The following XRCC3 variants were observed in gnomAD, a reference collection of about 807,000 sequenced individuals.
XRCC3 encodes X-ray repair cross complementing 3.
Under a neutral mutation model 29.2 loss-of-function variants are expected in XRCC3, and 34 were observed. The observed-to-expected ratio is 1.16, with a 90% CI of 0.88 to 1.55. XRCC3 has a LOEUF of 1.55. Ranked by LOEUF, XRCC3 falls within the 40% of genes most tolerant of loss-of-function variation. The pLI, the probability that XRCC3 is intolerant of heterozygous loss-of-function variation, is 0.00. For synonymous variants in XRCC3, 223 were observed against 211.3 expected (o/e 1.06, Z -0.48); for missense variants, 463 against 467.6 (o/e 0.99, Z 0.09).
chr14:103,699,226 C>T lies in XRCC3; in HGVS notation c.775-47G>A, dbSNP rs771788141. 38 of 1,543,778 alleles carry T rather than the reference C, an allele frequency of 2.5e-5. No individual in the cohort carries two copies. The East Asian group carries it at 5.3e-4, about 22-fold the overall frequency. On this transcript the variant is annotated intron_variant, in intron 8 of 9. Transcript: ENST00000555055. ...CAGCTGCAACGGCTGAGGGTCTTCT[C>T]GATGGTTAGGCACAGGCTGCTACCC...
At chr14:103,711,379 C>T (rs2083622242) in intron 3 of XRCC3, 87 bp downstream of exon 3, 1 of 620,796 alleles carries the variant, frequency 1.6e-6, no homozygotes, top group African/African-American at 1.8e-5. Flanking sequence ...TTGAAAAACC[C>T]CCCAAACCCA....
chr14:103,711,605 G>A, intron 2 of XRCC3, 38 bp from the exon 3 acceptor site: 2 of 456,438 alleles, frequency 4.4e-6, no homozygotes, highest in South Asian at 3.1e-5. Context: ...GATTGGCAGG[G>A]TGCTCAGGGA....
At position 103,711,426 on chromosome 14, in the gene XRCC3, A is replaced by T. The variant is rs1034298334; in HGVS notation, c.-159+40T>A. 1.1e-5 allele frequency: 6 copies of T among 536,780 alleles called. No homozygotes were observed. The Admixed American group carries it at 1.3e-4, about 12-fold the overall frequency. 33.3% of individuals were successfully genotyped at this position (536,780 alleles called of 1,614,324 possible). A position where few individuals can be genotyped will look rare whatever the true frequency, so the allele number is the denominator to read the frequency against. ...TCCTGTGGAAAGTGCTAGAAATAAGACCATCCTCCTGCAGCAGTTGAGTGC... is the reference window on the plus strand; with the variant it reads ...TCCTGTGGAAAGTGCTAGAAATAAGTCCATCCTCCTGCAGCAGTTGAGTGC... On this transcript the variant is annotated intron_variant, in intron 3 of 9. Coordinates refer to ENST00000555055, the MANE Select transcript of XRCC3 (RefSeq NM_005432.4).
chr14:103,702,378 G>A (rs861533), intron 7 of XRCC3: 152,246 of 152,456 alleles, frequency 1, 76,018 homozygotes, highest in Middle Eastern at 1. Flanking sequence ...TTCCCCTCAG[G>A]GGCAAGGGGA....
In XRCC3 at chr14:103,699,536, A is replaced by C; in HGVS notation, c.602T>G (p.Leu201Arg). Residue 201 changes from leucine to arginine, a missense_variant, in exon 8 of 10, where the codon CTG (leucine) becomes CGG (arginine). Leu to Arg is a moderately radical substitution (Grantham distance 102, BLOSUM62 -2). Coordinates refer to ENST00000555055, the MANE Select transcript of XRCC3 (RefSeq NM_005432.4). ...CAGGCGAGCCATGCCCCGAGACAGCAGTACGGGGACCTTCTTATTCACACA... is the reference window on the plus strand; with the variant it reads ...CAGGCGAGCCATGCCCCGAGACAGCCGTACGGGGACCTTCTTATTCACACA... ...LECVNKKVPV[L>R]LSRGMARLVV... 1 of 1,613,438 alleles carries C rather than the reference A, an allele frequency of 6.2e-7. No homozygotes were observed. Among genetic ancestry groups the C allele is most frequent in the South Asian group, 1.1e-5 (1 of 91,066 alleles).
intron 2 of XRCC3, 179 bp from the exon 3 acceptor site, chr14:103,711,746 G>A (rs1484780298): frequency 2.2e-6 from 1 of 455,706 alleles, no homozygotes; most frequent in East Asian, 7.0e-5. Flanking sequence ...CCCGAGCCTG[G>A]CCCAGCAAGG....
chr14:103,703,388 C>A, intron 6 of XRCC3, 61 bp from the exon 7 acceptor site: 1 of 1,503,034 alleles, frequency 6.7e-7, no homozygotes, highest in South Asian at 1.2e-5. Context: ...GACTGCCACA[C>A]AAATCAAGTG....
chr14:103,707,109 G>A lies in XRCC3; in HGVS notation c.300C>T (p.Asp100=), dbSNP rs758245729. 40 of 1,551,492 alleles carry A rather than the reference G, an allele frequency of 2.6e-5. No homozygotes were observed. The highest frequency in any genetic ancestry group is 7.3e-5 in the East Asian group (3 of 41,084). ...DALLRGGLPL[D]GITELAGRSS... The stretch of plus-strand genomic sequence containing the variant: ...TGCGTCCGGCCAGCTCAGTGATGCC[G>A]TCCAGGGGCAGGCCACCGCGGAGCA... Residue 100 remains aspartate (D), a synonymous_variant, in exon 6 of 10, where the codon GAC becomes GAT. Coordinates refer to ENST00000555055, the MANE Select transcript of XRCC3 (RefSeq NM_005432.4).
In XRCC3 at chr14:103,709,093, T is replaced by G. The variant is rs1206384520; in HGVS notation, c.56-434A>C. ...CCGCCCACCAGGCATGGATCTGGGC[T>G]GAGCCGCGGGAGAGGACATGTGCCC... On this transcript the variant is annotated intron_variant, in intron 4 of 9. Transcript: ENST00000555055. The G allele has an allele frequency of 3.3e-5, 11 of 335,556 alleles. No individual in the cohort carries two copies. In the East Asian group the frequency reaches 7.9e-4, roughly 24 times the overall value. The allele number at this position is 335,556 out of a possible 1,614,324, so 20.8% of individuals were successfully genotyped here. A position where few individuals can be genotyped will look rare whatever the true frequency, so the allele number is the denominator to read the frequency against.
chr14:103,706,768 G>A (rs917165430), intron 6 of XRCC3: 9 of 586,636 alleles, frequency 1.5e-5, no homozygotes, highest in Admixed American at 1.1e-4. Context: ...GCTGAGGGCC[G>A]GCTGCCTGGT....
chr14:103,698,880 G>T lies in XRCC3; in HGVS notation c.959C>A (p.Ala320Asp). ...ACAGGAGGAGGGGGGCAGGTGGGGGGCAGAGAGCACCCGCAGGGTCCGGGC... is the reference window on the plus strand; with the variant it reads ...ACAGGAGGAGGGGGGCAGGTGGGGGTCAGAGAGCACCCGCAGGGTCCGGGC... ...CPARTLRVLS[A>D]PHLPPSSCSY... The change falls in exon 10 of 10, where the codon GCC becomes GAC. Residue 320 changes from alanine (A) to aspartate (D), a missense_variant. By Grantham distance (126) the Ala-to-Asp change is moderately radical. Coordinates refer to ENST00000555055, the MANE Select transcript of XRCC3 (RefSeq NM_005432.4). 6.2e-7 allele frequency: 1 copy of T among 1,606,176 alleles called. No individual in the cohort carries two copies. The highest frequency in any genetic ancestry group is 8.5e-7 in the Non-Finnish European group (1 of 1,176,962).
chr14:103,700,368 T>G (rs901282331), intron 7 of XRCC3: 1 of 386,098 alleles, frequency 2.6e-6, no homozygotes, highest in Non-Finnish European at 4.7e-6. Flanking sequence ...CCGTGGCCTG[T>G]GGGTGCCAGA....
chr14:103,699,600 T>A, intron 7 of XRCC3, 24 bp from the exon 8 acceptor site: 1 of 1,612,254 alleles, frequency 6.2e-7, no homozygotes, highest in Non-Finnish European at 8.5e-7. Context: ...TGTCATTGTC[T>A]ATGCTGGTCA....
intron 1 of XRCC3, among the ~76,000 whole-genome samples, 168 bp downstream of exon 1, chr14:103,715,256 C>G (rs572252050): frequency 4.0e-4 from 61 of 152,134 alleles, no homozygotes; most frequent in African/African-American, 1.3e-3. Flanking sequence ...GGGGTGAGTG[C>G]TGCAGCCCCA....
At position 103,711,511 on chromosome 14, in the gene XRCC3, CTG is replaced by C. The variant is rs1193592459; in HGVS notation, c.-206_-205del. ...ACCCGCGTGTTTTTGGCTGACTTGA[CTG>C]AGGCATCTCTTGCACTCTGCAGTTT... is the stretch of plus-strand genomic sequence containing the variant. On this transcript the variant is annotated 5_prime_UTR_variant, in exon 3 of 10. It removes the in-frame stop codon of an upstream open reading frame in the 5' UTR. Transcript: ENST00000555055. 3 of 466,120 alleles carry C rather than the reference CTG, an allele frequency of 6.4e-6. No individual in the cohort carries two copies. The highest frequency in any genetic ancestry group is 4.7e-5 in the Admixed American group (2 of 42,846). The allele number at this position is 466,120 out of a possible 1,614,324, so 28.9% of individuals were successfully genotyped here.
intron 4 of XRCC3, chr14:103,709,241 C>G (rs2083544353): frequency 5.5e-6 from 1 of 183,026 alleles, no homozygotes; most frequent in Non-Finnish European, 1.2e-5. Context: ...TACAGGGGTG[C>G]AGATCCCCAG....
rs373800330 is a variant in XRCC3 at position 103,711,133 on chromosome 14, A to T, written c.-46T>A. 11 of 1,606,532 alleles carry T rather than the reference A, an allele frequency of 6.8e-6. No individual in the cohort carries two copies. In the East Asian group the frequency reaches 2.5e-4, roughly 36 times the overall value. ...CAGGATGAATAACTTCCCAGGAAAG[A>T]CAGAACAATGGATGCAAATTCTGAG... On this transcript the variant is annotated 5_prime_UTR_variant, in exon 4 of 10. Coordinates refer to ENST00000555055, the MANE Select transcript of XRCC3 (RefSeq NM_005432.4).
Position 103,699,656 on chromosome 14 carries a change from C to G in XRCC3, c.562-80G>C. ...ACCAGACCCCGTTTGGACTGTCACT[C>G]GACCGTCTGAAAACCTTCCTACCCA... On this transcript the variant is annotated intron_variant, in intron 7 of 9. Coordinates refer to ENST00000555055, the MANE Select transcript of XRCC3 (RefSeq NM_005432.4). 4 of 1,462,014 alleles carry G rather than the reference C, an allele frequency of 2.7e-6. 1 individual carries two copies. The highest frequency in any genetic ancestry group is 2.3e-5 in the South Asian group (2 of 86,494). 90.6% of individuals were successfully genotyped at this position (1,462,014 alleles called of 1,614,324 possible). A position where few individuals can be genotyped will look rare whatever the true frequency, so the allele number is the denominator to read the frequency against.
chr14:103,699,454 G>A lies in XRCC3; in HGVS notation c.684C>T (p.Ser228=), dbSNP rs746816769. 25 of 1,612,696 alleles carry A rather than the reference G, an allele frequency of 1.6e-5. No individual in the cohort carries two copies. The highest frequency in any genetic ancestry group is 5.5e-5 in the South Asian group (5 of 91,068). Residue 228 remains serine, a synonymous_variant, in exon 8 of 10, where the codon TCC becomes TCT. Coordinates refer to ENST00000555055, the MANE Select transcript of XRCC3 (RefSeq NM_005432.4). ...ACTGCAGATGCCTGGCCCTGGGGGC[G>A]GAGGCCTGGCTGTCAAATTCACAGC... ...PFRCEFDSQA[S]APRARHLQSL...
Sources: allele counts gnomAD v4.1 joint callset (sites outside exome capture counted in the v4.1 genomes callset), GRCh38; gene constraint gnomAD v4.1.1; transcripts MANE v1.5; gene names NCBI Gene and HGNC (gene_info 2026-07-23, HGNC 2026-07-21).